The following NCAM2 variants were observed in gnomAD, a reference collection of about 807,000 sequenced individuals.
NCAM2 encodes neural cell adhesion molecule 2, also known as N-CAM-2.
Under a neutral mutation model 98.1 loss-of-function variants are expected in NCAM2, and 30 were observed. The observed-to-expected ratio is 0.31, with a 90% confidence interval of 0.23 to 0.41. The LOEUF is 0.41. Among genes scored for constraint, NCAM2 ranks in the 10% least tolerant of loss-of-function variants. The pLI, the probability that NCAM2 is intolerant of heterozygous loss-of-function variation, is 1.00. For missense variants in NCAM2, 867 were observed against 1,005.8 expected (o/e 0.86, Z 1.87); for synonymous variants, 368 against 342.4 (o/e 1.07, Z -0.83).
At chr21:21,496,526 G>A (rs1987247653) in intron 15 of NCAM2, among the ~76,000 whole-genome samples, 2 of 152,012 alleles carry the variant, frequency 1.3e-5, no homozygotes. Context: ...TTTGTAGGAT[G>A]CGTTGTTCGT....
At chr21:21,276,756 A>T (rs2072743724) in intron 1 of NCAM2, among the ~76,000 whole-genome samples, 1 of 152,032 alleles carries the variant, frequency 6.6e-6, no homozygotes, top group African/African-American at 2.4e-5. Context: ...GGTCTTTGGG[A>T]AATATAGTGA....
At chr21:21,183,857 GA>G (rs899846108) in intron 1 of NCAM2, among the ~76,000 whole-genome samples, 28 of 149,660 alleles carry the variant, frequency 1.9e-4, no homozygotes, top group East Asian at 3.9e-4. Flanking sequence ...GAAAAATAAC[GA>G]AAAAAAAATT....
chr21:21,424,660 G>A (rs2077176968), intron 11 of NCAM2, among the ~76,000 whole-genome samples: 1 of 152,024 alleles, frequency 6.6e-6, no homozygotes, highest in South Asian at 2.1e-4. Flanking sequence ...AGACTGGAAG[G>A]GTATATTGTA....
intron 1 of NCAM2, among the ~76,000 whole-genome samples, chr21:21,126,703 T>C (rs2066833436): frequency 6.6e-6 from 1 of 152,034 alleles, no homozygotes; most frequent in Non-Finnish European, 1.5e-5. Flanking sequence ...TCTTATGTTT[T>C]GTGAAAAGTA....
At chr21:21,499,375 G>A (rs1987471185) in intron 15 of NCAM2, among the ~76,000 whole-genome samples, 2 of 152,070 alleles carry the variant, frequency 1.3e-5, no homozygotes, top group Admixed American at 1.3e-4. Context: ...CCAAGTAGCT[G>A]GGACTACAGG....
rs193018699 is a variant in NCAM2 at position 21,429,258 on chromosome 21, C to T, written c.1481-2850C>T. On this transcript the variant is annotated intron_variant, in intron 11 of 17. Transcript: ENST00000400546. ...TTTGTGCTGAAAGAAAAAACAAAGG[C>T]TCTTCTTTCTCTGCAGGTGCACCAT... 2.0e-5 allele frequency among the ~76,000 whole-genome samples: 3 copies of T among 152,168 alleles called. 1 individual carries two copies. The highest frequency in any genetic ancestry group is 2.0e-4 in the Admixed American group (3 of 15,260).
At chr21:21,483,395 A>C (rs1199985131) in intron 15 of NCAM2, among the ~76,000 whole-genome samples, 1 of 152,070 alleles carries the variant, frequency 6.6e-6, no homozygotes, top group African/African-American at 2.4e-5. Flanking sequence ...ACCACAAAAA[A>C]TATTGCTAAA....
At chr21:21,430,526 GA>G (rs1187297695) in intron 11 of NCAM2, among the ~76,000 whole-genome samples, 1 of 151,860 alleles carries the variant, frequency 6.6e-6, no homozygotes, top group East Asian at 1.9e-4. Flanking sequence ...CAATTATGCT[GA>G]AAGGCAAAGG....
chr21:21,468,491 T>G (rs1173169227), intron 13 of NCAM2, among the ~76,000 whole-genome samples, 171 bp from the exon 14 acceptor site: 6 of 152,020 alleles, frequency 3.9e-5, no homozygotes, highest in Admixed American at 3.3e-4. Flanking sequence ...TGTTGCTGCT[T>G]CTTGGATGGG....
chr21:21,308,153 T>A (rs921552318), intron 5 of NCAM2, among the ~76,000 whole-genome samples: 2 of 152,060 alleles, frequency 1.3e-5, no homozygotes, highest in Non-Finnish European at 2.9e-5. Flanking sequence ...ACATTAAAAT[T>A]AATGTTAAAG....
intron 14 of NCAM2, among the ~76,000 whole-genome samples, chr21:21,471,562 A>G (rs2146235161): frequency 6.6e-6 from 1 of 152,192 alleles, no homozygotes; most frequent in East Asian, 1.9e-4. Flanking sequence ...AAAATAAGAA[A>G]CAGCTCTAAG....
intron 1 of NCAM2, among the ~76,000 whole-genome samples, chr21:21,043,976 A>G (rs538124126): frequency 5.3e-5 from 8 of 152,286 alleles, no homozygotes; most frequent in African/African-American, 1.9e-4. Flanking sequence ...CAAATCAAGG[A>G]TATTTGAAAA....
intron 1 of NCAM2, among the ~76,000 whole-genome samples, chr21:21,166,600 T>TA (rs1275817365): frequency 2.0e-5 from 3 of 152,148 alleles, no homozygotes; most frequent in Non-Finnish European, 2.9e-5. Flanking sequence ...ACCAGAACAA[T>TA]AAGAGTCAGG....
At chr21:21,531,826 C>A (rs1417106267) in intron 16 of NCAM2, among the ~76,000 whole-genome samples, 15 of 130,532 alleles carry the variant, frequency 1.1e-4, no homozygotes, top group Non-Finnish European at 1.1e-4. Flanking sequence ...TAAAAAATAC[C>A]AAAAAAAAAA....
At chr21:21,080,924 G>C (rs954990006) in intron 1 of NCAM2, among the ~76,000 whole-genome samples, 1 of 152,020 alleles carries the variant, frequency 6.6e-6, no homozygotes, top group African/African-American at 2.4e-5. Flanking sequence ...TTATTAAAAC[G>C]CTTTAGAACA....
intron 1 of NCAM2, among the ~76,000 whole-genome samples, chr21:21,207,794 A>G (rs2069500984): frequency 6.6e-6 from 1 of 152,160 alleles, no homozygotes; most frequent in African/African-American, 2.4e-5. Flanking sequence ...ATAGTAAAAT[A>G]TCATTATAAC....
chr21:21,050,611 T>A (rs2065088752), intron 1 of NCAM2, among the ~76,000 whole-genome samples: 1 of 152,200 alleles, frequency 6.6e-6, no homozygotes, highest in African/African-American at 2.4e-5. Flanking sequence ...CCACTGTTCT[T>A]TATTCATCTT....
intron 1 of NCAM2, among the ~76,000 whole-genome samples, chr21:21,232,157 T>TGAGGGCTGTAGATTCCTGTCACCC (rs2070654577): frequency 6.6e-6 from 1 of 151,446 alleles, no homozygotes; most frequent in Non-Finnish European, 1.5e-5. Context: ...TTCTGATGGT[T>TGAGGGCTGTAGATTCCTGTCACCC]GAGGGCTGTA....
intron 15 of NCAM2, among the ~76,000 whole-genome samples, chr21:21,479,803 G>A: frequency 6.6e-6 from 1 of 151,652 alleles, no homozygotes; most frequent in East Asian, 1.9e-4. Flanking sequence ...GAAAGAAAAT[G>A]GATAGAATTC....
Sources: gnomAD v4.1 joint callset for allele counts (sites outside exome capture counted in the v4.1 genomes callset) on GRCh38, gnomAD v4.1.1 for gene constraint, MANE v1.5 for transcripts, NCBI Gene and HGNC (gene_info 2026-07-23, HGNC 2026-07-21) for gene names.